Variants in MAP3K12 observed in about 807,000 individuals in gnomAD.
MAP3K12 encodes MAPK-upstream kinase.
In MAP3K12, 14 loss-of-function variants were observed where a neutral mutation model predicts 87.5. The observed-to-expected ratio is 0.16, with a 90% CI of 0.11 to 0.25. The LOEUF is 0.25. Ranked by LOEUF, MAP3K12 falls within the 10% of genes least tolerant of loss-of-function variation. The probability of loss-of-function intolerance (pLI) is 1.00; values close to 1 mark genes in which losing one functional copy is unlikely to be tolerated. For synonymous variants in MAP3K12, 469 were observed against 452.5 expected (o/e 1.04, Z -0.46); for missense variants, 802 against 1,140.4 (o/e 0.70, Z 4.27).
chr12:53,482,388 G>C lies in MAP3K12; in HGVS notation c.2239-19C>G, dbSNP rs370208561. ...CACGTTTCTGCAGGAGAGATGGGGTGGGGGGGGTCTGATTAGAAGTGGAAA... is the reference window on the plus strand; with the variant it reads ...CACGTTTCTGCAGGAGAGATGGGGTCGGGGGGGTCTGATTAGAAGTGGAAA... On this transcript the variant is annotated intron_variant, in intron 11 of 13. Transcript: ENST00000547488. 1.1e-4 allele frequency: 177 copies of C among 1,607,858 alleles called. No individual in the cohort carries two copies. Among genetic ancestry groups the C allele is most frequent in the Non-Finnish European group, 1.1e-4 (125 of 1,176,304 alleles).
intron 1 of MAP3K12, among the ~76,000 whole-genome samples, chr12:53,490,160 C>G (rs759877924): frequency 6.6e-6 from 1 of 151,934 alleles, no homozygotes; most frequent in Non-Finnish European, 1.5e-5. Context: ...CAAAATTAGC[C>G]GGCCGTGGTG....
chr12:53,485,475 G>A lies in MAP3K12; in HGVS notation c.822C>T (p.Asn274=). Residue 274 remains asparagine (N), a splice_region_variant and synonymous_variant, in exon 5 of 14, where the codon AAC becomes AAT. Transcript: ENST00000547488. ...CCACATCGTCGTAGGTGATTAGCATGCTGGTAAAGAGTGTAGTCAGCTGGG... is the reference window on the plus strand; with the variant it reads ...CCACATCGTCGTAGGTGATTAGCATACTGGTAAAGAGTGTAGTCAGCTGGG... The part of the protein sequence containing the change: ...KIIHRDLKSP[N]MLITYDDVVK... 6.2e-7 allele frequency: 1 copy of A among 1,613,474 alleles called. No individual in the cohort carries two copies. Among genetic ancestry groups the A allele is most frequent in the Non-Finnish European group, 8.5e-7 (1 of 1,179,600 alleles).
rs1555209672 is a variant in MAP3K12, at chr12:53,479,672, T to TTTTTTTTTTTTTTTTGG, written c.*1509_*1510insCCAAAAAAAAAAAAAAA. The stretch of plus-strand genomic sequence containing the variant: ...TTTAGTTTTATAAGCTTCTCCCTGG[T>TTTTTTTTTTTTTTTTGG]TTTTTTTTTTTGGCTCATGAATTTT... On this transcript the variant is annotated 3_prime_UTR_variant, in exon 14 of 14. Coordinates refer to ENST00000547488, the MANE Select transcript of MAP3K12 (RefSeq NM_001193511.2). 189 of 286,526 alleles carry TTTTTTTTTTTTTTTTGG rather than the reference T, an allele frequency of 6.6e-4. No homozygotes were observed. The highest frequency in any genetic ancestry group is 1.1e-3 in the East Asian group (20 of 17,894). The allele number at this position is 286,526 out of a possible 1,614,324, so 17.7% of individuals were successfully genotyped here.
Position 53,486,409 on chromosome 12 carries a change from C to T in MAP3K12, c.629+30G>A. 1 of 1,610,960 alleles carries T rather than the reference C, an allele frequency of 6.2e-7. No individual in the cohort carries two copies. Among genetic ancestry groups the T allele is most frequent in the Non-Finnish European group, 8.5e-7 (1 of 1,178,136 alleles). The stretch of plus-strand genomic sequence containing the variant: ...GGTACCAGGCCTTAGCATAGTATCC[C>T]CAACACCCAGCCCCTGCCCTGGACC... On this transcript the variant is annotated intron_variant, in intron 3 of 13. Transcript: ENST00000547488. This position sits in a 1 kb window ranked among gnomAD's most constrained non-coding sequence, Gnocchi z 4.9.
chr12:53,499,100 A>G (rs940455226), intron 1 of MAP3K12, among the ~76,000 whole-genome samples: 4 of 151,180 alleles, frequency 2.6e-5, no homozygotes, highest in Non-Finnish European at 5.9e-5. Flanking sequence ...CCTGAGGATG[A>G]GTGGGAGGAG....
rs760785425 is a variant in MAP3K12, at chr12:53,482,311, G to A, written c.2297C>T (p.Thr766Ile). 31 of 1,613,992 alleles carry A rather than the reference G, an allele frequency of 1.9e-5. No homozygotes were observed. In the South Asian group the frequency reaches 2.9e-4, roughly 15 times the overall value. Reference protein sequence around the residue: ...EGEVDSEVELTSSQRWPQSLN... With the variant: ...EGEVDSEVELISSQRWPQSLN... Reference sequence around the variant, plus strand: ...TGCCATCACTTACCTCTGGCTTGATGTCAGCTCTACTTCACTGTCTACCTC... The same window carrying A: ...TGCCATCACTTACCTCTGGCTTGATATCAGCTCTACTTCACTGTCTACCTC... Residue 766 changes from threonine (T) to isoleucine (I), a missense_variant, in exon 12 of 14, where the codon ACA becomes ATA. By Grantham distance (89) the Thr-to-Ile change is moderately conservative (BLOSUM62 -1). Coordinates refer to ENST00000547488, the MANE Select transcript of MAP3K12 (RefSeq NM_001193511.2).
chr12:53,486,346 C>T lies in MAP3K12; in HGVS notation c.629+93G>A, dbSNP rs1015429637. 8.3e-6 allele frequency: 13 copies of T among 1,564,176 alleles called. No individual in the cohort carries two copies. Among genetic ancestry groups the T allele is most frequent in the South Asian group, 1.2e-5 (1 of 82,812 alleles). Reference sequence around the variant, plus strand: ...CCCACCCATTCCACCTATGGATCTCCTCTGGGGAAGGATGGGGTAGGTCCC... The same window carrying T: ...CCCACCCATTCCACCTATGGATCTCTTCTGGGGAAGGATGGGGTAGGTCCC... On this transcript the variant is annotated intron_variant, in intron 3 of 13. Transcript: ENST00000547488. The surrounding 1 kb of genome is among the most constrained non-coding windows in gnomAD (Gnocchi z 4.9).
chr12:53,486,320 TC>T lies in MAP3K12; in HGVS notation c.630-74del. ...CCTGATTCATACCTGGAACCCCCATTCCCACCCATTCCACCTATGGATCTCC... is the reference window on the plus strand; with the variant it reads ...CCTGATTCATACCTGGAACCCCCATTCCACCCATTCCACCTATGGATCTCC... On this transcript the variant is annotated intron_variant, in intron 3 of 13. Coordinates refer to ENST00000547488, the MANE Select transcript of MAP3K12 (RefSeq NM_001193511.2). The surrounding 1 kb of genome is among the most constrained non-coding windows in gnomAD (Gnocchi z 4.9). The T allele has an allele frequency of 6.4e-7, 1 of 1,551,026 alleles. No homozygotes were observed. Among genetic ancestry groups the T allele is most frequent in the Non-Finnish European group, 8.7e-7 (1 of 1,143,772 alleles).
At position 53,486,919 on chromosome 12, in the gene MAP3K12, A is replaced by G; in HGVS notation, c.445+28T>C. The G allele has an allele frequency of 6.2e-7, 1 of 1,608,310 alleles. No homozygotes were observed. Among genetic ancestry groups the G allele is most frequent in the Non-Finnish European group, 8.5e-7 (1 of 1,175,582 alleles). On this transcript the variant is annotated intron_variant, in intron 2 of 13. Coordinates refer to ENST00000547488, the MANE Select transcript of MAP3K12 (RefSeq NM_001193511.2). The surrounding 1 kb of genome is among the most constrained non-coding windows in gnomAD (Gnocchi z 4.9). ...AGATCTCGGGCTCAGGGAAACAGAG[A>G]GGAGGCTCCCACAAGGACGTGGCCT... is the stretch of plus-strand genomic sequence containing the variant.
chr12:53,501,252 G>A (rs1351201485), upstream of MAP3K12: 12 of 745,714 alleles, frequency 1.6e-5, no homozygotes, highest in East Asian at 2.7e-4. Context: ...GGAGGCTCAC[G>A]AAGTAGGGTG....
In MAP3K12 at chr12:53,482,010, A is replaced by G; in HGVS notation, c.2511T>C (p.Pro837=). 6.2e-7 allele frequency: 1 copy of G among 1,614,134 alleles called. No homozygotes were observed. Among genetic ancestry groups the G allele is most frequent in the Non-Finnish European group, 8.5e-7 (1 of 1,179,990 alleles). ...GTTCAGGGCCAGGGATGACCTCTGAAGGAGGTGGGTCCAGTGGGATTTCTG... is the reference window on the plus strand; with the variant it reads ...GTTCAGGGCCAGGGATGACCTCTGAGGGAGGTGGGTCCAGTGGGATTTCTG... ...QGSEIPLDPP[P]SEVIPGPEPS... is the part of the protein sequence containing the mutation. Residue 837 remains proline, a synonymous_variant, in exon 13 of 14, where the codon CCT becomes CCC. Coordinates refer to ENST00000547488, the MANE Select transcript of MAP3K12 (RefSeq NM_001193511.2).
intron 4 of MAP3K12, chr12:53,485,691 G>C: frequency 1.7e-6 from 1 of 577,850 alleles, no homozygotes; most frequent in Non-Finnish European, 3.0e-6. Context: ...GAGTAGCTGA[G>C]ACTACGGGCA....
chr12:53,483,721 T>C lies in MAP3K12; in HGVS notation c.1361A>G (p.His454Arg). ...LVMRRREELR[H>R]ALDIREHYER... ...ATAGTGCTCCCTGATGTCCAGGGCG[T>C]GTCTGCAACGGGCAGAAAGGTTCCC... Residue 454 changes from histidine to arginine, a missense_variant and splice_region_variant, in exon 9 of 14, where the codon CAC becomes CGC. His to Arg is a conservative substitution (Grantham distance 29). This residue lies in a region of MAP3K12 where 99 missense variants were observed against 193.4 expected (regional missense o/e 0.51). Transcript: ENST00000547488. 1 of 1,613,850 alleles carries C rather than the reference T, an allele frequency of 6.2e-7. No individual in the cohort carries two copies. Among genetic ancestry groups the C allele is most frequent in the Non-Finnish European group, 8.5e-7 (1 of 1,180,010 alleles).
intron 6 of MAP3K12, 161 bp downstream of exon 6, chr12:53,484,895 C>T (rs1943186074): frequency 1.2e-5 from 10 of 815,262 alleles, no homozygotes; most frequent in South Asian, 5.2e-5. Flanking sequence ...ATACCAATTA[C>T]CCCTGGTGAC....
chr12:53,482,916 C>A lies in MAP3K12; in HGVS notation c.1887G>T (p.Gly629=). 2 of 1,609,890 alleles carry A rather than the reference C, an allele frequency of 1.2e-6. No individual in the cohort carries two copies. Among genetic ancestry groups the A allele is most frequent in the Non-Finnish European group, 1.7e-6 (2 of 1,179,692 alleles). Residue 629 remains glycine, a synonymous_variant, in exon 11 of 14, where the codon GGG becomes GGT. Coordinates refer to ENST00000547488, the MANE Select transcript of MAP3K12 (RefSeq NM_001193511.2). The part of the protein sequence containing the change: ...AWEACPPALR[G]LHHDLLLRKM... Reference sequence around the variant, plus strand: ...TGCGGAGCAGGAGGTCATGATGAAGCCCACGGAGGGCGGGAGGGCAGGCCT... The same window carrying A: ...TGCGGAGCAGGAGGTCATGATGAAGACCACGGAGGGCGGGAGGGCAGGCCT...
Position 53,481,994 on chromosome 12 carries a change from C to T in MAP3K12, c.2527G>A (p.Gly843Ser), listed in dbSNP as rs1421819786. The change falls in exon 13 of 14, where the codon GGC (glycine) becomes AGC (serine). Residue 843 changes from glycine (G) to serine (S), a missense_variant. Physicochemically the swap from Gly to Ser is moderately conservative, Grantham distance 56. This residue lies in a region of MAP3K12 where 490 missense variants were observed against 496.6 expected (regional missense o/e 0.99). Transcript: ENST00000547488. ...LDPPPSEVIP[G>S]PEPSSLPIPH... Reference sequence around the variant, plus strand: ...ATGGGCAGGGAGCTGGGTTCAGGGCCAGGGATGACCTCTGAAGGAGGTGGG... The same window carrying T: ...ATGGGCAGGGAGCTGGGTTCAGGGCTAGGGATGACCTCTGAAGGAGGTGGG... The T allele has an allele frequency of 6.2e-7, 1 of 1,614,124 alleles. No homozygotes were observed. The highest frequency in any genetic ancestry group is 1.3e-5 in the African/African-American group (1 of 75,030).
At chr12:53,487,597 C>A in intron 1 of MAP3K12, 169 bp from the exon 2 acceptor site, 1 of 605,498 alleles carries the variant, frequency 1.7e-6, no homozygotes. Context: ...CTTGAGCCAT[C>A]TTAGGAAATC....
At chr12:53,493,936 T>C (rs1943484213) in intron 1 of MAP3K12, 2 of 152,302 alleles carry the variant, frequency 1.3e-5, no homozygotes, top group South Asian at 2.1e-4. Context: ...AAGTAGGAGA[T>C]GGGACCAAGG....
At chr12:53,493,773 A>T (rs1399394407) in intron 1 of MAP3K12, 1 of 152,166 alleles carries the variant, frequency 6.6e-6, no homozygotes, top group African/African-American at 2.4e-5. Flanking sequence ...AGAAAGGGTG[A>T]CATGCTCAGA....
Sources: allele counts gnomAD v4.1 joint callset (sites outside exome capture counted in the v4.1 genomes callset), GRCh38; gene constraint gnomAD v4.1.1; regional missense constraint gnomAD v4.1.1; non-coding constraint Gnocchi (gnomAD v3.1); transcripts MANE v1.5; gene names NCBI Gene and HGNC (gene_info 2026-07-23, HGNC 2026-07-21).